The following THSD7B variants were observed in gnomAD, a reference collection of about 807,000 sequenced individuals.
THSD7B encodes thrombospondin type-1 domain-containing protein 7B.
A neutral mutation model predicts 213.6 loss-of-function variants in THSD7B; 138 were observed. The ratio of observed to expected loss-of-function variants is 0.65; its 90% CI spans 0.56 to 0.74. The LOEUF (loss-of-function observed/expected upper bound fraction) is 0.74, where lower values mean the gene tolerates loss of function less well. THSD7B is among the 30% of genes least tolerant of loss of function. The probability of loss-of-function intolerance (pLI) is 0.00; values close to 1 mark genes in which losing one functional copy is unlikely to be tolerated. For synonymous variants in THSD7B, 742 were observed against 687.0 expected (o/e 1.08, Z -1.25); for missense variants, 1,931 against 1,991.5 (o/e 0.97, Z 0.58).
chr2:136,916,709 C>T (rs1163478476), intron 2 of THSD7B, among the ~76,000 whole-genome samples: 1 of 152,202 alleles, frequency 6.6e-6, no homozygotes, highest in African/African-American at 2.4e-5. Flanking sequence ...TCTTACCTTC[C>T]CTTGCCTCCT....
intron 12 of THSD7B, among the ~76,000 whole-genome samples, chr2:137,278,041 G>A (rs1318632739): frequency 6.6e-6 from 1 of 152,018 alleles, no homozygotes; most frequent in African/African-American, 2.4e-5. Context: ...GGAGATGCGG[G>A]GCTAGACTGA....
intron 17 of THSD7B, among the ~76,000 whole-genome samples, chr2:137,585,718 A>T (rs377501929): frequency 2.6e-4 from 39 of 151,644 alleles, no homozygotes; most frequent in East Asian, 2.3e-3. Context: ...TTGTTATAAT[A>T]TCTGTTCTTT....
intron 3 of THSD7B, among the ~76,000 whole-genome samples, chr2:137,080,860 CA>C (rs1687735042): frequency 6.6e-6 from 1 of 151,982 alleles, no homozygotes; most frequent in Non-Finnish European, 1.5e-5. Context: ...GTCATTTTGC[CA>C]AAGATTTCCA....
intron 2 of THSD7B, among the ~76,000 whole-genome samples, chr2:136,966,751 A>G (rs576431688): frequency 3.9e-5 from 6 of 152,216 alleles, no homozygotes; most frequent in Non-Finnish European, 8.8e-5. Context: ...TATTCTGCCC[A>G]GAGTACCCTC....
intron 12 of THSD7B, among the ~76,000 whole-genome samples, chr2:137,316,365 C>T (rs1460632764): frequency 6.6e-6 from 1 of 152,238 alleles, no homozygotes; most frequent in Admixed American, 6.5e-5. Context: ...TAAGAATTTA[C>T]TCCAGGTTTC....
intron 7 of THSD7B, among the ~76,000 whole-genome samples, chr2:137,218,354 T>G (rs1468153448): frequency 6.6e-6 from 1 of 152,148 alleles, no homozygotes; most frequent in Admixed American, 6.5e-5. Flanking sequence ...TTGAAACATT[T>G]GCTTAAGTTC....
At chr2:137,354,076 C>A (rs1471396181) in intron 12 of THSD7B, among the ~76,000 whole-genome samples, 3 of 151,774 alleles carry the variant, frequency 2.0e-5, no homozygotes, top group African/African-American at 7.3e-5. Flanking sequence ...CTGGTATTTC[C>A]CTCCCCTCTG....
Position 137,593,007 on chromosome 2 carries a change from GA to G in THSD7B, c.3423+20453del, listed in dbSNP as rs529277864. The stretch of plus-strand genomic sequence containing the variant: ...TTATGTCTTGAATTTCATATAAATG[GA>G]ACCACACAGTTCTTTTGGGCTGTGT... On this transcript the variant is annotated intron_variant, in intron 17 of 27. Coordinates refer to ENST00000409968, the MANE Select transcript of THSD7B (RefSeq NM_001316349.2). Among the ~76,000 whole-genome samples, 18 of 151,972 alleles carry G rather than the reference GA, an allele frequency of 1.2e-4. 1 individual carries two copies. Among genetic ancestry groups the G allele is most frequent in the Admixed American group, 2.6e-4 (4 of 15,254 alleles).
At chr2:137,111,214 G>A (rs1218400083) in intron 4 of THSD7B, among the ~76,000 whole-genome samples, 4 of 152,186 alleles carry the variant, frequency 2.6e-5, no homozygotes, top group African/African-American at 9.7e-5. Context: ...TATTTTGGCA[G>A]TGTGAAATAT....
At chr2:137,035,796 C>G (rs1573780223) in intron 2 of THSD7B, among the ~76,000 whole-genome samples, 1 of 152,042 alleles carries the variant, frequency 6.6e-6, no homozygotes, top group African/African-American at 2.4e-5. Flanking sequence ...CTTTGATATG[C>G]CTCAATGAAG....
intron 3 of THSD7B, among the ~76,000 whole-genome samples, chr2:137,082,799 G>A (rs1687771253): frequency 6.6e-6 from 1 of 152,056 alleles, no homozygotes; most frequent in African/African-American, 2.4e-5. Context: ...AGAAGATAAA[G>A]TCTGTTTTAT....
At chr2:137,441,709 A>G (rs1306708998) in intron 14 of THSD7B, among the ~76,000 whole-genome samples, 1 of 152,134 alleles carries the variant, frequency 6.6e-6, no homozygotes, top group African/African-American at 2.4e-5. Flanking sequence ...AAAGACAGAC[A>G]TGGAATGAAA....
intron 12 of THSD7B, among the ~76,000 whole-genome samples, chr2:137,285,890 G>T (rs1683162223): frequency 6.6e-6 from 1 of 151,812 alleles, no homozygotes; most frequent in African/African-American, 2.4e-5. Context: ...GATCACCTGA[G>T]GTCAGGAGTT....
chr2:137,425,930 A>G (rs2105032548), intron 14 of THSD7B, among the ~76,000 whole-genome samples: 1 of 152,322 alleles, frequency 6.6e-6, no homozygotes, highest in Non-Finnish European at 1.5e-5. Context: ...CTCATAGTAT[A>G]TCCTAAATAC....
At chr2:137,437,347 G>A (rs963825677) in intron 14 of THSD7B, among the ~76,000 whole-genome samples, 2 of 152,164 alleles carry the variant, frequency 1.3e-5, no homozygotes, top group African/African-American at 2.4e-5. Context: ...GTCAGTATAA[G>A]GAGATGGTCT....
intron 15 of THSD7B, among the ~76,000 whole-genome samples, chr2:137,506,893 G>T (rs1217427304): frequency 6.6e-6 from 1 of 152,170 alleles, no homozygotes; most frequent in Non-Finnish European, 1.5e-5. Context: ...CAAGAAAGGT[G>T]AATTAGCAAC....
At chr2:137,496,239 A>T (rs1476962703) in intron 15 of THSD7B, among the ~76,000 whole-genome samples, 1 of 152,216 alleles carries the variant, frequency 6.6e-6, no homozygotes, top group East Asian at 1.9e-4. Context: ...AGTAGATTCC[A>T]GGTCCAATGC....
At chr2:136,892,499 G>A (rs933769662) in intron 2 of THSD7B, among the ~76,000 whole-genome samples, 2 of 150,828 alleles carry the variant, frequency 1.3e-5, no homozygotes, top group African/African-American at 2.4e-5. Context: ...TACTACCTAC[G>A]CTGGACTACT....
intron 1 of THSD7B, among the ~76,000 whole-genome samples, chr2:136,786,215 T>C (rs568420766): frequency 1.2e-4 from 19 of 152,344 alleles, no homozygotes; most frequent in African/African-American, 3.6e-4. Flanking sequence ...TTTAACACTT[T>C]AGTGTATATT....
Sources: allele counts gnomAD v4.1 joint callset (sites outside exome capture counted in the v4.1 genomes callset), GRCh38; gene constraint gnomAD v4.1.1; transcripts MANE v1.5; gene names NCBI Gene and HGNC (gene_info 2026-07-23, HGNC 2026-07-21).